MAPKAPK2: variants seen among roughly 807,000 people sequenced by gnomAD.
MAPKAPK2 encodes the protein MAPK activated protein kinase 2.
A neutral mutation model predicts 48.8 loss-of-function variants in MAPKAPK2; 9 were observed. The observed-to-expected ratio is 0.18, with a 90% CI of 0.11 to 0.32. The LOEUF (loss-of-function observed/expected upper bound fraction) is 0.32. MAPKAPK2 is among the 10% of genes least tolerant of loss of function. The pLI, the probability that MAPKAPK2 is intolerant of heterozygous loss-of-function variation, is 1.00. For missense variants in MAPKAPK2, 331 were observed against 498.3 expected (o/e 0.66, Z 3.20); for synonymous variants, 202 against 190.6 (o/e 1.06, Z -0.49).
At chr1:206,727,863 T>A (rs1673753648) in intron 1 of MAPKAPK2, among the ~76,000 whole-genome samples, 1 of 152,324 alleles carries the variant, frequency 6.6e-6, no homozygotes, top group Non-Finnish European at 1.5e-5. Context: ...GACCTCGTGA[T>A]CTGCCTGCCT....
chr1:206,691,504 T>TATATATATATATATATATATACAC lies in MAPKAPK2; in HGVS notation c.279+5997_279+5998insTATATATATATATATATATACACA, dbSNP rs1424297313. ...TAAGATATATATATATATATATATATACACACATACACAGATATAGATATG... is the reference window on the plus strand; with the variant it reads ...TAAGATATATATATATATATATATATATATATATATATATATATATACACACACACATACACAGATATAGATATG... On this transcript the variant is annotated intron_variant, in intron 1 of 9. Coordinates refer to ENST00000367103, the MANE Select transcript of MAPKAPK2 (RefSeq NM_032960.4). Among the ~76,000 whole-genome samples, 54 of 112,144 alleles carry TATATATATATATATATATATACAC rather than the reference T, an allele frequency of 4.8e-4. 1 individual carries two copies. Among genetic ancestry groups the TATATATATATATATATATATACAC allele is most frequent in the African/African-American group, 7.0e-4 (23 of 32,648 alleles). The allele number at this position is 112,144 out of a possible 152,430, so 73.6% of individuals were successfully genotyped here.
chr1:206,716,329 T>A (rs1553430365), intron 1 of MAPKAPK2, among the ~76,000 whole-genome samples: 1 of 152,202 alleles, frequency 6.6e-6, no homozygotes, highest in Non-Finnish European at 1.5e-5. Flanking sequence ...CTGGGCCATT[T>A]CTCTCACTGT....
intron 1 of MAPKAPK2, among the ~76,000 whole-genome samples, chr1:206,692,208 T>G (rs1480971133): frequency 6.1e-5 from 9 of 147,948 alleles, no homozygotes; most frequent in Non-Finnish European, 8.9e-5. Flanking sequence ...TGTCTTTGTG[T>G]GTGGCTGGGT....
rs1317275416 is a variant in MAPKAPK2 at position 206,731,358 on chromosome 1, CAT to C, written c.892+97_892+98del. 6.4e-7 allele frequency: 1 copy of C among 1,567,466 alleles called. No homozygotes were observed. Among genetic ancestry groups the C allele is most frequent in the Non-Finnish European group, 8.7e-7 (1 of 1,155,038 alleles). On this transcript the variant is annotated intron_variant, in intron 7 of 9. Coordinates refer to ENST00000367103, the MANE Select transcript of MAPKAPK2 (RefSeq NM_032960.4). This position sits in a 1 kb window ranked among gnomAD's most constrained non-coding sequence, Gnocchi z 5.9. ...CAGACACATGTATGGGCCTCCATCT[CAT>C]GTGCGTGGTGTAACTGTGGGTTAGC...
chr1:206,730,249 G>C (rs1422706200), intron 5 of MAPKAPK2, 151 bp downstream of exon 5: 3 of 931,860 alleles, frequency 3.2e-6, no homozygotes, highest in African/African-American at 1.7e-5. Context: ...CTGAGAAGTA[G>C]GGCTTGTCAG....
At chr1:206,718,873 C>G (rs940409965) in intron 1 of MAPKAPK2, among the ~76,000 whole-genome samples, 1 of 152,126 alleles carries the variant, frequency 6.6e-6, no homozygotes, top group African/African-American at 2.4e-5. Flanking sequence ...GGCCAAATAC[C>G]TCCCCAAAAA....
At chr1:206,713,553 T>G (rs1673226662) in intron 1 of MAPKAPK2, among the ~76,000 whole-genome samples, 1 of 152,118 alleles carries the variant, frequency 6.6e-6, no homozygotes, top group Admixed American at 6.5e-5. Context: ...ACGTCTCCCT[T>G]CTAGAAACCA....
intron 1 of MAPKAPK2, among the ~76,000 whole-genome samples, chr1:206,720,027 C>T (rs1213065128): frequency 1.3e-5 from 2 of 149,226 alleles, no homozygotes; most frequent in African/African-American, 5.2e-5. Flanking sequence ...CTAGGCACTC[C>T]GGGGTTTCAC....
rs1020249647 is a variant in MAPKAPK2, at chr1:206,696,849, G to C, written c.279+11341G>C. On this transcript the variant is annotated intron_variant, in intron 1 of 9. Coordinates refer to ENST00000367103, the MANE Select transcript of MAPKAPK2 (RefSeq NM_032960.4). ...GAGGTAATCCTCAGAGTCAGGGACT[G>C]TGGCAGCCCTGGGAGTGGGATAGTA... 2.4e-4 allele frequency among the ~76,000 whole-genome samples: 36 copies of C among 152,342 alleles called. 1 individual carries two copies. Among genetic ancestry groups the C allele is most frequent in the African/African-American group, 8.7e-4 (36 of 41,568 alleles).
chr1:206,731,187 C>A lies in MAPKAPK2; in HGVS notation c.817C>A (p.Pro273Thr). ...FYSNHGLAIS[P>T]GMKTRIRMGQ... ...CTCCAACCACGGCCTTGCCATCTCT[C>A]CGGGCATGAAGACTCGCATCCGAAT... Residue 273 changes from proline (P) to threonine (T), a missense_variant, in exon 7 of 10, where the codon CCG (proline) becomes ACG (threonine). Pro to Thr is a conservative substitution (Grantham distance 38). Transcript: ENST00000367103. This position sits in a 1 kb window ranked among gnomAD's most constrained non-coding sequence, Gnocchi z 5.9. The A allele has an allele frequency of 6.2e-7, 1 of 1,614,206 alleles. No homozygotes were observed. The highest frequency in any genetic ancestry group is 8.5e-7 in the Non-Finnish European group (1 of 1,180,032).
intron 1 of MAPKAPK2, among the ~76,000 whole-genome samples, chr1:206,699,048 TTGC>T (rs1443308243): frequency 2.1e-4 from 32 of 152,340 alleles, no homozygotes; most frequent in Admixed American, 1.9e-3. Flanking sequence ...TTTGTGCAAA[TTGC>T]TACGATGAGA....
chr1:206,718,330 G>A (rs1310501216), intron 1 of MAPKAPK2, among the ~76,000 whole-genome samples: 2 of 152,168 alleles, frequency 1.3e-5, no homozygotes, highest in Admixed American at 6.5e-5. Flanking sequence ...AGGAGATCGA[G>A]CCCATCCTGA....
In MAPKAPK2 at chr1:206,720,605, C is replaced by T. The variant is rs911793442; in HGVS notation, c.280-8105C>T. 9.2e-5 allele frequency among the ~76,000 whole-genome samples: 14 copies of T among 152,286 alleles called. No individual in the cohort carries two copies. In the East Asian group the frequency reaches 1.2e-3, roughly 13 times the overall value. ...AACTTCTGACTTCAAGTAATCTGCC[C>T]CCCTTGGCCTCCCAAAGTGCTGGGG... On this transcript the variant is annotated intron_variant, in intron 1 of 9. Transcript: ENST00000367103.
At chr1:206,717,927 C>G (rs1337170150) in intron 1 of MAPKAPK2, among the ~76,000 whole-genome samples, 1 of 151,792 alleles carries the variant, frequency 6.6e-6, no homozygotes, top group Non-Finnish European at 1.5e-5. Context: ...ACACTGCTAC[C>G]TTTTTTTTGC....
At chr1:206,728,229 T>C (rs782398952) in intron 1 of MAPKAPK2, among the ~76,000 whole-genome samples, 1 of 152,112 alleles carries the variant, frequency 6.6e-6, no homozygotes, top group African/African-American at 2.4e-5. Flanking sequence ...ACTACAGAGG[T>C]AGAGAGAATA....
intron 1 of MAPKAPK2, among the ~76,000 whole-genome samples, chr1:206,690,471 T>G (rs1672423951): frequency 6.6e-6 from 1 of 152,178 alleles, no homozygotes; most frequent in African/African-American, 2.4e-5. Flanking sequence ...GGGCCAAATA[T>G]TGGTGGGTGT....
intron 1 of MAPKAPK2, among the ~76,000 whole-genome samples, chr1:206,716,727 G>A (rs574236977): frequency 3.3e-5 from 5 of 152,164 alleles, no homozygotes; most frequent in East Asian, 1.9e-4. Flanking sequence ...GGCCAGAGGC[G>A]CAGTGTTCCT....
chr1:206,725,269 C>T (rs1177361332), intron 1 of MAPKAPK2, among the ~76,000 whole-genome samples: 5 of 152,194 alleles, frequency 3.3e-5, no homozygotes, highest in Non-Finnish European at 7.4e-5. Context: ...AAGGAGCATG[C>T]ATTTAGATTT....
chr1:206,686,067 C>A (rs1672278739), intron 1 of MAPKAPK2, among the ~76,000 whole-genome samples: 1 of 152,138 alleles, frequency 6.6e-6, no homozygotes, highest in East Asian at 1.9e-4. Context: ...GCGCGCCGGG[C>A]AGGAGGTGTG....
Sources: gnomAD v4.1 joint callset for allele counts (sites outside exome capture counted in the v4.1 genomes callset) on GRCh38, gnomAD v4.1.1 for gene constraint, Gnocchi (gnomAD v3.1) non-coding constraint, MANE v1.5 for transcripts, NCBI Gene and HGNC (gene_info 2026-07-23, HGNC 2026-07-21) for gene names.